The following UBE2A variants were observed in gnomAD, a reference collection of about 807,000 sequenced individuals.
UBE2A encodes the protein ubiquitin conjugating enzyme E2 A.
For missense variants in UBE2A, 27 were observed against 125.8 expected, an observed-to-expected ratio of 0.21 and a Z score of 3.76; for synonymous variants, 39 against 41.1, an observed-to-expected ratio of 0.95 and a Z score of 0.20.
intron 2 of UBE2A, 131 bp downstream of exon 2, chrX:119,575,112 C>A: frequency 1.1e-6 from 1 of 891,968 alleles, no homozygotes; most frequent in Non-Finnish European, 1.6e-6. Flanking sequence ...GGCCTAGGCG[C>A]CTCCCCGGAG....
At chrX:119,581,400 T>C (rs1197991716) in intron 3 of UBE2A, 107 bp from the exon 4 acceptor site, 5 of 549,234 alleles carry the variant, frequency 9.1e-6, no homozygotes, top group South Asian at 5.7e-5. Context: ...CTACCCTGTA[T>C]CTTTGCATTA....
At chrX:119,574,837 T>A in intron 1 of UBE2A, 64 bp from the exon 2 acceptor site, 1 of 1,202,080 alleles carries the variant, frequency 8.3e-7, no homozygotes, top group Admixed American at 2.2e-5. Context: ...CGGGGAGGGC[T>A]GGGGAGCGGC....
At chrX:119,582,453 G>A (rs1013974884) in intron 4 of UBE2A, 135 bp from the exon 5 acceptor site, 3 of 427,927 alleles carry the variant, frequency 7.0e-6, no homozygotes, top group African/African-American at 2.5e-5. Context: ...TATCTTTTTA[G>A]GCAGTTAACT....
In UBE2A at chrX:119,576,504, TACACACACACAC is replaced by T. The variant is rs748580325; in HGVS notation, c.151+1117_151+1128del. Among the ~76,000 whole-genome samples the T allele has an allele frequency of 3.1e-4, 33 of 107,340 alleles. 3 individuals are homozygous for T. In the South Asian group the frequency reaches 0.012, roughly 39 times the overall value. The allele number at this position is 107,340 out of a possible 115,157, so 93.2% of individuals were successfully genotyped here. ...ATTTCCTTCGGTCACATAGCATTTATACACACACACACACACACACACACTTCAGTTTGAAGG... is the reference window on the plus strand; with the variant it reads ...ATTTCCTTCGGTCACATAGCATTTATACACACACACACTTCAGTTTGAAGG... On this transcript the variant is annotated intron_variant, in intron 3 of 5. Coordinates refer to ENST00000371558, the MANE Select transcript of UBE2A (RefSeq NM_003336.4).
rs778830852 is a variant in UBE2A, at chrX:119,575,139, C to T, written c.125+158C>T. 100 of 790,408 alleles carry T rather than the reference C, an allele frequency of 1.3e-4. No homozygotes were observed. The African/African-American group carries it at 1.5e-3, about 12-fold the overall frequency. The allele number at this position is 790,408 out of a possible 1,213,427, so 65.1% of individuals were successfully genotyped here. On this transcript the variant is annotated intron_variant, in intron 2 of 5. Coordinates refer to ENST00000371558, the MANE Select transcript of UBE2A (RefSeq NM_003336.4). ...TCCCCGGAGCCTGTGCCTCGATTAG[C>T]TCAGTTCCCGCTGCCAGGGGGAACC...
At chrX:119,581,429 C>T in intron 3 of UBE2A, 78 bp from the exon 4 acceptor site, 1 of 739,184 alleles carries the variant, frequency 1.4e-6, no homozygotes, top group Non-Finnish European at 2.1e-6. Flanking sequence ...TTGGAAAAAC[C>T]CACATAGCAT....
intron 3 of UBE2A, among the ~76,000 whole-genome samples, chrX:119,578,067 C>G (rs926489088): frequency 5.4e-5 from 6 of 111,366 alleles, no homozygotes; most frequent in African/African-American, 1.6e-4. Flanking sequence ...AATTAAGAAC[C>G]CCAAAACTAC....
In UBE2A at chrX:119,574,889, G is replaced by T. The variant is rs1278320023; in HGVS notation, c.45-12G>T. 8.3e-7 allele frequency: 1 copy of T among 1,211,814 alleles called. No homozygotes were observed. Among genetic ancestry groups the T allele is most frequent in the Non-Finnish European group, 1.1e-6 (1 of 895,192 alleles). On this transcript the variant is annotated splice_polypyrimidine_tract_variant and intron_variant, in intron 1 of 5. Coordinates refer to ENST00000371558, the MANE Select transcript of UBE2A (RefSeq NM_003336.4). ...TGCCGGCCTAGGGGGACCCCTGTCT[G>T]TCTTCCCGAAGGTTGCAGGAGGATC...
intron 3 of UBE2A, 137 bp from the exon 4 acceptor site, chrX:119,581,370 T>C: frequency 2.3e-6 from 1 of 442,328 alleles, no homozygotes; most frequent in Non-Finnish European, 4.0e-6. Flanking sequence ...GAGATGTATT[T>C]CTTACCTGGC....
At position 119,584,011 on chromosome X, in the gene UBE2A, T is replaced by G. The variant is rs1262796288; in HGVS notation, c.*756T>G. The G allele has an allele frequency of 1.8e-5, 2 of 112,306 alleles. No homozygotes were observed. Among genetic ancestry groups the G allele is most frequent in the African/African-American group, 6.5e-5 (2 of 30,773 alleles). 9.3% of individuals were successfully genotyped at this position (112,306 alleles called of 1,213,427 possible). ...TCGTGAGTTTTTGAGCTAGGGAAAG[T>G]TGGAGCTCCTTTAATCTTTTTAAAG... On this transcript the variant is annotated 3_prime_UTR_variant, in exon 6 of 6. Coordinates refer to ENST00000371558, the MANE Select transcript of UBE2A (RefSeq NM_003336.4).
intron 3 of UBE2A, among the ~76,000 whole-genome samples, chrX:119,578,314 T>G (rs756642041): frequency 5.2e-4 from 58 of 112,375 alleles, no homozygotes; most frequent in African/African-American, 1.6e-3. Context: ...TGGAATATAA[T>G]CTTCATCACA....
Position 119,583,240 on chromosome X carries a change from C to T in UBE2A, c.444C>T (p.Ser148=). ...GTGTTTCTGCAATAGTAGAACAAAG[C>T]TGGCGTGATTGTTGACCCCGGGTAC... The part of the protein sequence containing the change: ...EKRVSAIVEQ[S]WRDC Residue 148 remains serine, a synonymous_variant, in exon 6 of 6, where the codon AGC becomes AGT. Coordinates refer to ENST00000371558, the MANE Select transcript of UBE2A (RefSeq NM_003336.4). 8.3e-7 allele frequency: 1 copy of T among 1,211,815 alleles called. No homozygotes were observed. The highest frequency in any genetic ancestry group is 1.1e-6 in the Non-Finnish European group (1 of 895,544).
rs1254308535 is a variant in UBE2A at position 119,574,701 on chromosome X, C to T, written c.-11C>T. The T allele has an allele frequency of 1.7e-6, 2 of 1,195,586 alleles. No individual in the cohort carries two copies. Among genetic ancestry groups the T allele is most frequent in the Non-Finnish European group, 2.3e-6 (2 of 888,442 alleles). Reference sequence around the variant, plus strand: ...CCCAGTGTATGCCCCACCCCTGACCCCGCTCGCGACATGTCCACCCCGGCT... The same window carrying T: ...CCCAGTGTATGCCCCACCCCTGACCTCGCTCGCGACATGTCCACCCCGGCT... On this transcript the variant is annotated 5_prime_UTR_variant, in exon 1 of 6. Coordinates refer to ENST00000371558, the MANE Select transcript of UBE2A (RefSeq NM_003336.4).
intron 2 of UBE2A, 187 bp from the exon 3 acceptor site, chrX:119,575,188 G>A: frequency 4.0e-6 from 3 of 745,824 alleles, no homozygotes; most frequent in Non-Finnish European, 6.0e-6. Context: ...GGGGGGCGGG[G>A]CGGGGAGTGG....
Position 119,574,793 on chromosome X carries a change from C to T in UBE2A, c.44+38C>T, listed in dbSNP as rs2053402423. The T allele has an allele frequency of 8.4e-6, 10 of 1,184,792 alleles. No homozygotes were observed. In the African/African-American group the frequency reaches 1.0e-4, roughly 12 times the overall value. ...GACGGCCGAGGCCGGGGGTTGCGAG[C>T]TGGGGCACAGGGCGGGTCCCGAGGC... On this transcript the variant is annotated intron_variant, in intron 1 of 5. Transcript: ENST00000371558.
intron 3 of UBE2A, among the ~76,000 whole-genome samples, chrX:119,578,104 G>A (rs765503794): frequency 2.7e-5 from 3 of 111,539 alleles, no homozygotes; most frequent in African/African-American, 9.8e-5. Flanking sequence ...TAAACCGTTC[G>A]TTATGGAAGT....
At position 119,584,143 on chromosome X, in the gene UBE2A, C is replaced by T. The variant is rs190671903; in HGVS notation, c.*888C>T. ...CATATCTGTGGCAAACTATTTTCCA[C>T]TCAAATCCTGAGTTATTGCTGCATG... On this transcript the variant is annotated 3_prime_UTR_variant, in exon 6 of 6. Coordinates refer to ENST00000371558, the MANE Select transcript of UBE2A (RefSeq NM_003336.4). The T allele has an allele frequency of 8.9e-6, 1 of 112,465 alleles. No individual in the cohort carries two copies. The highest frequency in any genetic ancestry group is 1.9e-5 in the Non-Finnish European group (1 of 53,223). The allele number at this position is 112,465 out of a possible 1,213,427, so 9.3% of individuals were successfully genotyped here.
At chrX:119,578,417 AT>A (rs973143630) in intron 3 of UBE2A, among the ~76,000 whole-genome samples, 70 of 110,097 alleles carry the variant, frequency 6.4e-4, no homozygotes, top group Non-Finnish European at 1.1e-3. Context: ...AATCGTTTTT[AT>A]TTTTTTTTAA....
At chrX:119,575,160 G>T (rs2053406923) in intron 2 of UBE2A, 179 bp downstream of exon 2, 3 of 760,374 alleles carry the variant, frequency 3.9e-6, no homozygotes, top group Non-Finnish European at 3.9e-6. Flanking sequence ...CTGCCAGGGG[G>T]AACCGCTTGG....
Sources: gnomAD v4.1 joint callset for allele counts (sites outside exome capture counted in the v4.1 genomes callset) on GRCh38, gnomAD v4.1.1 for gene constraint, MANE v1.5 for transcripts, NCBI Gene and HGNC (gene_info 2026-07-23, HGNC 2026-07-21) for gene names.